Variants in TAOK3 observed in about 807,000 individuals in gnomAD.
TAOK3 encodes the protein serine/threonine-protein kinase TAO3.
Under a neutral mutation model 120.4 loss-of-function variants are expected in TAOK3, and 40 were observed. That is an observed-to-expected ratio of 0.33 (90% CI 0.26 to 0.43). The LOEUF (loss-of-function observed/expected upper bound fraction) is 0.43, where lower values mean the gene tolerates loss of function less well. Ranked by LOEUF, TAOK3 falls within the 20% of genes least tolerant of loss-of-function variation. The probability of loss-of-function intolerance (pLI) is 1.00; values close to 1 mark genes in which losing one functional copy is unlikely to be tolerated. For missense variants in TAOK3, 821 were observed against 1,112.1 expected, an observed-to-expected ratio of 0.74 and a Z score of 3.72; for synonymous variants, 355 against 387.5, an observed-to-expected ratio of 0.92 and a Z score of 0.99.
rs989418959 is a variant in TAOK3 at position 118,213,317 on chromosome 12, A to G, written c.738-322T>C. ...TACATTTTTCTCTCCAAAGACAACA[A>G]TTCTCATAGTCTCAACTCTATATTC... On this transcript the variant is annotated intron_variant, in intron 10 of 20. Transcript: ENST00000392533. Among the ~76,000 whole-genome samples the G allele has an allele frequency of 2.0e-5, 3 of 152,132 alleles. No homozygotes were observed. In the South Asian group the frequency reaches 6.2e-4, roughly 31 times the overall value.
intron 9 of TAOK3, among the ~76,000 whole-genome samples, chr12:118,229,170 G>A (rs1392813245): frequency 1.3e-5 from 2 of 151,412 alleles, no homozygotes; most frequent in Admixed American, 6.6e-5. Flanking sequence ...GCGCAATCTC[G>A]GCTCACTGCA....
chr12:118,177,463 ATTGT>A (rs1224953338), intron 15 of TAOK3, 134 bp from the exon 16 acceptor site: 10 of 588,646 alleles, frequency 1.7e-5, no homozygotes, highest in Non-Finnish European at 1.9e-5. Flanking sequence ...TTAAAAAATA[ATTGT>A]TTTTCTGATT....
At chr12:118,311,127 C>A (rs886741843) in intron 1 of TAOK3, among the ~76,000 whole-genome samples, 1 of 152,080 alleles carries the variant, frequency 6.6e-6, no homozygotes, top group Non-Finnish European at 1.5e-5. Flanking sequence ...TGAAATAAAA[C>A]TGTACATTGT....
At chr12:118,235,477 A>G in intron 8 of TAOK3, 81 bp downstream of exon 8, 1 of 1,166,940 alleles carries the variant, frequency 8.6e-7, no homozygotes, top group Non-Finnish European at 1.3e-6. Context: ...ACACTGTCAC[A>G]AAACCAAGCC....
In TAOK3 at chr12:118,172,673, G is replaced by T; in HGVS notation, c.1696-13C>A. The T allele has an allele frequency of 2.5e-6, 4 of 1,611,720 alleles. No individual in the cohort carries two copies. The highest frequency in any genetic ancestry group is 3.4e-6 in the Non-Finnish European group (4 of 1,178,054). ...CCTCATTCATTTCCTAAAAAGAACA[G>T]ACAAAAACCAAGCCAGCCTTACTAA... On this transcript the variant is annotated splice_polypyrimidine_tract_variant and intron_variant, in intron 16 of 20. Transcript: ENST00000392533.
At chr12:118,231,147 T>C (rs1375488957) in intron 9 of TAOK3, among the ~76,000 whole-genome samples, 125 of 152,280 alleles carry the variant, frequency 8.2e-4, no homozygotes, top group Non-Finnish European at 2.6e-4. Flanking sequence ...GAAGTGTATA[T>C]TCATGTTTGT....
intron 1 of TAOK3, among the ~76,000 whole-genome samples, chr12:118,330,243 TATAA>T (rs2044087030): frequency 6.6e-6 from 1 of 152,234 alleles, no homozygotes; most frequent in African/African-American, 2.4e-5. Flanking sequence ...CATTCAAGTC[TATAA>T]ATAAAATTGT....
At chr12:118,298,635 A>C (rs1225343379) in intron 1 of TAOK3, among the ~76,000 whole-genome samples, 1 of 152,148 alleles carries the variant, frequency 6.6e-6, no homozygotes, top group Non-Finnish European at 1.5e-5. Context: ...GTTATGGGGG[A>C]AAAAAGTAAC....
intron 9 of TAOK3, among the ~76,000 whole-genome samples, chr12:118,223,771 G>A (rs943012493): frequency 2.6e-5 from 4 of 151,032 alleles, no homozygotes; most frequent in African/African-American, 9.8e-5. Context: ...AGCCTCCCAA[G>A]TAGCTGGGAC....
At chr12:118,151,360 G>A (rs937346184) in intron 20 of TAOK3, among the ~76,000 whole-genome samples, 2 of 152,096 alleles carry the variant, frequency 1.3e-5, no homozygotes, top group African/African-American at 4.8e-5. Context: ...TGAGTCCTGT[G>A]ATCAATGCAT....
chr12:118,261,182 G>A (rs1306849507), intron 2 of TAOK3, among the ~76,000 whole-genome samples: 1 of 152,196 alleles, frequency 6.6e-6, no homozygotes, highest in East Asian at 1.9e-4. Flanking sequence ...AGTGAGCTGT[G>A]GAACATCTTC....
intron 1 of TAOK3, among the ~76,000 whole-genome samples, chr12:118,356,155 G>T (rs1475747231): frequency 6.6e-6 from 1 of 152,082 alleles, no homozygotes; most frequent in Non-Finnish European, 1.5e-5. Context: ...TGAAAACATG[G>T]CATTCCATTC....
chr12:118,197,654 C>T (rs2037793114), intron 13 of TAOK3, among the ~76,000 whole-genome samples: 1 of 151,494 alleles, frequency 6.6e-6, no homozygotes, highest in Non-Finnish European at 1.5e-5. Flanking sequence ...TGATCACTCC[C>T]TCCAAAAAGA....
At position 118,351,365 on chromosome 12, in the gene TAOK3, A is replaced by G. The variant is rs75581789; in HGVS notation, c.-194+21283T>C. Among the ~76,000 whole-genome samples the G allele has an allele frequency of 4.6e-3, 696 of 152,298 alleles. 6 individuals carry two copies. The highest frequency in any genetic ancestry group is 0.016 in the African/African-American group (656 of 41,558). ...TTTCCTTATTAGTTAAGGAAGAAACATAGTCCTATTCAGCACTAGTCCAAG... is the reference window on the plus strand; with the variant it reads ...TTTCCTTATTAGTTAAGGAAGAAACGTAGTCCTATTCAGCACTAGTCCAAG... On this transcript the variant is annotated intron_variant, in intron 1 of 20. Transcript: ENST00000392533.
At chr12:118,297,672 T>C (rs554754723) in intron 1 of TAOK3, among the ~76,000 whole-genome samples, 6 of 152,304 alleles carry the variant, frequency 3.9e-5, no homozygotes, top group African/African-American at 1.4e-4. Context: ...TCATATATCA[T>C]ACATCATAGG....
At chr12:118,358,636 T>C (rs1448786340) in intron 1 of TAOK3, among the ~76,000 whole-genome samples, 1 of 152,238 alleles carries the variant, frequency 6.6e-6, no homozygotes, top group East Asian at 1.9e-4. Flanking sequence ...TTGTATTTCA[T>C]GCTCAGCATT....
At chr12:118,279,196 G>A (rs116125817) in intron 1 of TAOK3, among the ~76,000 whole-genome samples, 8,215 of 151,990 alleles carry the variant, frequency 0.054, 461 homozygotes, top group East Asian at 0.25. Context: ...GCATTTTTTC[G>A]TATGCTTGTT....
At chr12:118,328,995 G>A (rs1400311077) in intron 1 of TAOK3, among the ~76,000 whole-genome samples, 2 of 152,210 alleles carry the variant, frequency 1.3e-5, no homozygotes, top group Admixed American at 6.5e-5. Flanking sequence ...CAAAGAGATT[G>A]CATCTAGTGA....
intron 11 of TAOK3, among the ~76,000 whole-genome samples, chr12:118,209,958 T>C (rs2038539737): frequency 1.3e-5 from 2 of 152,136 alleles, no homozygotes; most frequent in African/African-American, 4.8e-5. Context: ...TGCCTCAGCA[T>C]TCCAAAGTGC....
Sources: gnomAD v4.1 joint callset for allele counts (sites outside exome capture counted in the v4.1 genomes callset) on GRCh38, gnomAD v4.1.1 for gene constraint, MANE v1.5 for transcripts, NCBI Gene and HGNC (gene_info 2026-07-23, HGNC 2026-07-21) for gene names.